ACP1: variants seen among roughly 807,000 people sequenced by gnomAD.
ACP1 encodes acid phosphatase 1.
In ACP1, 23 loss-of-function variants were observed where a neutral mutation model predicts 23.4. That is an observed-to-expected ratio of 0.98 (90% confidence interval 0.71 to 1.39). The LOEUF is 1.39. Ranked by LOEUF, ACP1 falls within the 40% of genes most tolerant of loss-of-function variation. ACP1 has a pLI of 0.00. For synonymous variants in ACP1, 72 were observed against 67.2 expected (o/e 1.07, Z -0.35); for missense variants, 180 against 197.7 (o/e 0.91, Z 0.54).
intron 1 of ACP1, 84 bp downstream of exon 1, chr2:265,091 C>T (rs1487753869): frequency 2.6e-6 from 4 of 1,562,154 alleles, no homozygotes; most frequent in Admixed American, 3.5e-5. Flanking sequence ...TGCCGCCGGC[C>T]TAGGAACCAT....
At chr2:271,736 A>G (rs558034494) in intron 1 of ACP1, 130 bp from the exon 2 acceptor site, 3 of 751,176 alleles carry the variant, frequency 4.0e-6, no homozygotes, top group Admixed American at 1.9e-5. Context: ...GCGTCAAAGG[A>G]TAGTGTTGGC....
At chr2:268,164 G>A (rs552292539) in intron 1 of ACP1, among the ~76,000 whole-genome samples, 1 of 152,340 alleles carries the variant, frequency 6.6e-6, no homozygotes, top group East Asian at 1.9e-4. Flanking sequence ...GTTTAAAAAA[G>A]AAGAGTTTCA....
chr2:275,252 G>A, intron 4 of ACP1, 51 bp downstream of exon 4: 3 of 1,038,358 alleles, frequency 2.9e-6, no homozygotes, highest in Non-Finnish European at 4.2e-6. Context: ...TTCAGCAGTG[G>A]GCCAAGTAAT....
intron 1 of ACP1, among the ~76,000 whole-genome samples, chr2:271,212 A>G (rs1043173979): frequency 3.3e-5 from 5 of 150,654 alleles, no homozygotes; most frequent in East Asian, 1.9e-4. Context: ...TATGTGTGAT[A>G]TACTTGAAAA....
rs1670210181 is a variant in ACP1, at chr2:277,554, C to T, written c.*250C>T. On this transcript the variant is annotated 3_prime_UTR_variant, in exon 6 of 6. Coordinates refer to ENST00000272065, the MANE Select transcript of ACP1 (RefSeq NM_004300.4). ...ATTCTTAGACTAGTTGAACATCTCA[C>T]TTTGCCCCAGTTACAAAAATAGTAG... is the stretch of plus-strand genomic sequence containing the variant. 1 of 514,366 alleles carries T rather than the reference C, an allele frequency of 1.9e-6. No individual in the cohort carries two copies. The highest frequency in any genetic ancestry group is 2.4e-5 in the South Asian group (1 of 41,612). The allele number at this position is 514,366 out of a possible 1,614,324, so 31.9% of individuals were successfully genotyped here.
At chr2:272,233 C>T (rs1670063220) in intron 3 of ACP1, 83 bp downstream of exon 3, 1 of 1,614,116 alleles carries the variant, frequency 6.2e-7, no homozygotes, top group Non-Finnish European at 8.5e-7. Context: ...GGAACGTGGG[C>T]CGGTCCCCAG....
chr2:273,648 G>T (rs1670102130), intron 3 of ACP1, among the ~76,000 whole-genome samples: 2 of 152,182 alleles, frequency 1.3e-5, no homozygotes, highest in South Asian at 4.1e-4. Context: ...AGTAGTAGGG[G>T]TGATTTGCCA....
intron 3 of ACP1, chr2:273,250 C>T (rs1670092929): frequency 6.6e-6 from 1 of 152,252 alleles, no homozygotes; most frequent in African/African-American, 2.4e-5. Flanking sequence ...TCCTGCGTCT[C>T]ACTATTGTTG....
At position 275,232 on chromosome 2, in the gene ACP1, C is replaced by G. The variant is rs371442366; in HGVS notation, c.293+31C>G. 368 of 1,357,250 alleles carry G rather than the reference C, an allele frequency of 2.7e-4. 1 individual carries two copies. The highest frequency in any genetic ancestry group is 3.5e-4 in the Non-Finnish European group (343 of 966,770). 84.1% of individuals were successfully genotyped at this position (1,357,250 alleles called of 1,614,324 possible). ...CCTGTTTTTGAAGAATATTTCTGTT[C>G]AACTCTCAGTTCAGCAGTGGGCCAA... On this transcript the variant is annotated intron_variant, in intron 4 of 5. Coordinates refer to ENST00000272065, the MANE Select transcript of ACP1 (RefSeq NM_004300.4).
At chr2:268,879 C>T (rs369558805) in intron 1 of ACP1, among the ~76,000 whole-genome samples, 1 of 152,200 alleles carries the variant, frequency 6.6e-6, no homozygotes, top group Non-Finnish European at 1.5e-5. Flanking sequence ...TCGAAATCAA[C>T]AGGGCAAGCT....
chr2:264,986 T>G lies in ACP1; in HGVS notation c.22T>G (p.Ser8Ala), dbSNP rs946016572. The G allele has an allele frequency of 1.9e-6, 3 of 1,613,038 alleles. No homozygotes were observed. The highest frequency in any genetic ancestry group is 2.5e-6 in the Non-Finnish European group (3 of 1,179,604). ...GAAGATGGCGGAACAGGCTACCAAG[T>G]CCGTGCTGTTTGTGTGTCTGGGTAA... The part of the protein sequence containing the change: MAEQATK[S>A]VLFVCLGNIC... Residue 8 changes from serine to alanine, a missense_variant, in exon 1 of 6, where the codon TCC (serine) becomes GCC (alanine). Ser to Ala is a moderately conservative substitution (Grantham distance 99). This residue lies in a region of ACP1 where 132 missense variants were observed against 124.1 expected (regional missense o/e 1.06). Transcript: ENST00000272065.
At chr2:265,279 G>A (rs1669829846) in intron 1 of ACP1, 1 of 435,880 alleles carries the variant, frequency 2.3e-6, no homozygotes, top group East Asian at 4.0e-5. Context: ...ACAAGCCAAG[G>A]TACTTTCTTT....
intron 4 of ACP1, among the ~76,000 whole-genome samples, chr2:276,404 C>G (rs1273338438): frequency 6.6e-6 from 1 of 152,228 alleles, no homozygotes; most frequent in East Asian, 1.9e-4. Context: ...ATCAACTCAT[C>G]TGTCGCAGGT....
At chr2:275,363 A>G (rs955815442) in intron 4 of ACP1, 162 bp downstream of exon 4, 2 of 407,698 alleles carry the variant, frequency 4.9e-6, no homozygotes, top group Admixed American at 4.2e-5. Context: ...AAACTTAGTA[A>G]TCTAGAATTG....
chr2:272,013 AAT>A, intron 2 of ACP1, 22 bp from the exon 3 acceptor site: 3 of 1,606,252 alleles, frequency 1.9e-6, no homozygotes, highest in Non-Finnish European at 2.5e-6. Context: ...AAAAAAAAAA[AAT>A]TCCATGTTTC....
At position 275,123 on chromosome 2, in the gene ACP1, T is replaced by G. The variant is rs779247497; in HGVS notation, c.232-17T>G. On this transcript the variant is annotated splice_polypyrimidine_tract_variant and intron_variant, in intron 3 of 5. Transcript: ENST00000272065. Reference sequence around the variant, plus strand: ...AATGGTATAAACACTGTGTTTTGACTTCTTATTCAATTTTAGATTACCAAA... The same window carrying G: ...AATGGTATAAACACTGTGTTTTGACGTCTTATTCAATTTTAGATTACCAAA... 6 of 1,419,484 alleles carry G rather than the reference T, an allele frequency of 4.2e-6. No individual in the cohort carries two copies. In the East Asian group the frequency reaches 1.4e-4, roughly 33 times the overall value. The allele number at this position is 1,419,484 out of a possible 1,614,324, so 87.9% of individuals were successfully genotyped here.
intron 1 of ACP1, among the ~76,000 whole-genome samples, chr2:265,551 A>G (rs1353732740): frequency 6.6e-6 from 1 of 151,758 alleles, no homozygotes; most frequent in African/African-American, 2.4e-5. Context: ...ATGAAAGTGT[A>G]TTTTATTAAT....
intron 3 of ACP1, chr2:274,465 G>T (rs372967444): frequency 3.3e-5 from 5 of 152,408 alleles, no homozygotes; most frequent in African/African-American, 1.2e-4. Flanking sequence ...AAGCTTTCAG[G>T]TTACAATCAG....
At chr2:266,985 G>A (rs745916173) in intron 1 of ACP1, among the ~76,000 whole-genome samples, 1 of 152,142 alleles carries the variant, frequency 6.6e-6, no homozygotes, top group Non-Finnish European at 1.5e-5. Context: ...TAAGCTAGAG[G>A]GCAATAGGTG....
Sources: allele counts gnomAD v4.1 joint callset (sites outside exome capture counted in the v4.1 genomes callset), GRCh38; gene constraint gnomAD v4.1.1; regional missense constraint gnomAD v4.1.1; transcripts MANE v1.5; gene names NCBI Gene and HGNC (gene_info 2026-07-23, HGNC 2026-07-21).